PDCD6IP: variants seen among roughly 807,000 people sequenced by gnomAD.
PDCD6IP encodes programmed cell death 6 interacting protein.
A neutral mutation model predicts 103.7 loss-of-function variants in PDCD6IP; 43 were observed. The observed-to-expected ratio is 0.41, with a 90% CI of 0.32 to 0.53. The LOEUF is 0.53. Among genes scored for constraint, PDCD6IP ranks in the 20% least tolerant of loss-of-function variants. The pLI is 0.16. For synonymous variants in PDCD6IP, 354 were observed against 378.7 expected (o/e 0.93, Z 0.76); for missense variants, 871 against 1,036.7 (o/e 0.84, Z 2.20).
Position 33,852,526 on chromosome 3 carries a change from T to G in PDCD6IP, c.1680T>G (p.Asp560Glu). 2 of 1,574,136 alleles carry G rather than the reference T, an allele frequency of 1.3e-6. No homozygotes were observed. Among genetic ancestry groups the G allele is most frequent in the Non-Finnish European group, 1.7e-6 (2 of 1,166,334 alleles). Reference sequence around the variant, plus strand: ...TAAAATCCTTATTGTCAAATCTTGATGAAGTAAAGAAGGAAAGAGAGGGTC... The same window carrying G: ...TAAAATCCTTATTGTCAAATCTTGAGGAAGTAAAGAAGGAAAGAGAGGGTC... ...NVLKSLLSNLDEVKKEREGLE... is the reference protein window; with the variant it reads ...NVLKSLLSNLEEVKKEREGLE... The change falls in exon 13 of 18, where the codon GAT (aspartate) becomes GAG (glutamate). Residue 560 changes from aspartate (D) to glutamate (E), a missense_variant. By Grantham distance (45) the Asp-to-Glu change is conservative. This residue lies in a region of PDCD6IP where 266 missense variants were observed against 390.5 expected (regional missense o/e 0.68). Transcript: ENST00000307296.
In PDCD6IP at chr3:33,813,542, T is replaced by C; in HGVS notation, c.265-17T>C. On this transcript the variant is annotated splice_polypyrimidine_tract_variant and intron_variant, in intron 2 of 17. Transcript: ENST00000307296. ...AGGAAGGTTACCTAATTTTCTGTTTTCTTTCATTCTATCCAGATCTGCTTG... is the reference window on the plus strand; with the variant it reads ...AGGAAGGTTACCTAATTTTCTGTTTCCTTTCATTCTATCCAGATCTGCTTG... The C allele has an allele frequency of 2.0e-6, 3 of 1,533,652 alleles. No homozygotes were observed. Among genetic ancestry groups the C allele is most frequent in the Non-Finnish European group, 2.7e-6 (3 of 1,123,046 alleles).
At chr3:33,852,337 C>T (rs1046502120) in intron 12 of PDCD6IP, 151 bp from the exon 13 acceptor site, 1 of 1,314,650 alleles carries the variant, frequency 7.6e-7, no homozygotes, top group African/African-American at 1.5e-5. Context: ...CAGTGTCTAT[C>T]TATATAAACC....
chr3:33,862,705 G>A (rs540341726), intron 15 of PDCD6IP, among the ~76,000 whole-genome samples: 28 of 152,212 alleles, frequency 1.8e-4, no homozygotes, highest in African/African-American at 6.5e-4. Context: ...ATAATGGTTT[G>A]CATAAAAGGT....
chr3:33,851,924 C>T (rs541750876), intron 12 of PDCD6IP, among the ~76,000 whole-genome samples: 5 of 152,326 alleles, frequency 3.3e-5, no homozygotes, highest in African/African-American at 1.2e-4. Flanking sequence ...GTCTTCACCT[C>T]TGTTTCTCTA....
chr3:33,820,081 C>T (rs1206086333), intron 3 of PDCD6IP, among the ~76,000 whole-genome samples: 1 of 152,080 alleles, frequency 6.6e-6, no homozygotes, highest in African/African-American at 2.4e-5. Context: ...CCAACGAGTT[C>T]AAGACCAGCC....
intron 1 of PDCD6IP, among the ~76,000 whole-genome samples, chr3:33,807,544 C>T (rs1041123011): frequency 2.7e-5 from 4 of 146,578 alleles, no homozygotes; most frequent in Non-Finnish European, 6.0e-5. Context: ...CAAATTATCT[C>T]ACCTACGGCC....
At chr3:33,855,495 T>C (rs1358296160) in intron 15 of PDCD6IP, among the ~76,000 whole-genome samples, 2 of 152,102 alleles carry the variant, frequency 1.3e-5, no homozygotes, top group Non-Finnish European at 2.9e-5. Flanking sequence ...GTCACAGAAA[T>C]GATAAAAACA....
At chr3:33,820,186 A>T (rs1696957095) in intron 3 of PDCD6IP, among the ~76,000 whole-genome samples, 1 of 152,174 alleles carries the variant, frequency 6.6e-6, no homozygotes. Context: ...CAGGAGGCTG[A>T]GGCAGGAGGA....
At chr3:33,829,537 A>G (rs999701255) in intron 7 of PDCD6IP, among the ~76,000 whole-genome samples, 2 of 152,028 alleles carry the variant, frequency 1.3e-5, no homozygotes, top group African/African-American at 4.8e-5. Context: ...AGTACCTTCT[A>G]TGCAGTTGTG....
chr3:33,811,665 CAGAT>C (rs148711453), intron 1 of PDCD6IP, among the ~76,000 whole-genome samples: 1,879 of 152,306 alleles, frequency 0.012, 33 homozygotes, highest in African/African-American at 0.043. Context: ...GTGCTGGAGA[CAGAT>C]AGAGATGGGC....
chr3:33,798,948 G>T lies in PDCD6IP; in HGVS notation c.209+11G>T, dbSNP rs941401274. On this transcript the variant is annotated intron_variant, in intron 1 of 17. Transcript: ENST00000307296. The stretch of plus-strand genomic sequence containing the variant: ...CGAGACGCTCCTGAGGTGGGCGCGG[G>T]GCTGGGAGTGGGTAGGTTGTCTGCC... The T allele has an allele frequency of 6.6e-7, 1 of 1,519,142 alleles. No homozygotes were observed. Among genetic ancestry groups the T allele is most frequent in the East Asian group, 2.5e-5 (1 of 40,164 alleles). 94.1% of individuals were successfully genotyped at this position (1,519,142 alleles called of 1,614,324 possible).
intron 1 of PDCD6IP, among the ~76,000 whole-genome samples, chr3:33,811,505 G>A (rs1696717705): frequency 6.6e-6 from 1 of 152,174 alleles, no homozygotes. Flanking sequence ...TCACCCTGAT[G>A]GGGGGAAGTC....
At chr3:33,865,708 G>A (rs1698049151) in intron 17 of PDCD6IP, among the ~76,000 whole-genome samples, 2 of 151,982 alleles carry the variant, frequency 1.3e-5, no homozygotes, top group Admixed American at 6.6e-5. Flanking sequence ...TGTTTCCTTG[G>A]ACTTTAGGTG....
intron 15 of PDCD6IP, among the ~76,000 whole-genome samples, chr3:33,857,635 G>GC (rs1214914300): frequency 6.6e-6 from 1 of 152,136 alleles, no homozygotes; most frequent in Non-Finnish European, 1.5e-5. Context: ...GGGGAGGGGG[G>GC]CATTTATTCC....
intron 7 of PDCD6IP, among the ~76,000 whole-genome samples, chr3:33,831,467 G>A (rs1238790432): frequency 6.6e-6 from 1 of 152,084 alleles, no homozygotes; most frequent in East Asian, 1.9e-4. Context: ...TCAGTTTCAT[G>A]TAGTTCTGCA....
In PDCD6IP at chr3:33,866,516, A is replaced by G. The variant is rs754208667; in HGVS notation, c.2598A>G (p.Pro866=). Residue 866 remains proline (P), a synonymous_variant, in exon 18 of 18, where the codon CCA becomes CCG. Transcript: ENST00000307296. ...FPQPPQQSYY[P]QQ ...AGCCCCCACAGCAGTCTTACTATCC[A>G]CAGCAGTAATATGTCTGCTCAGCAG... 6.6e-5 allele frequency: 105 copies of G among 1,602,566 alleles called. No individual in the cohort carries two copies. The highest frequency in any genetic ancestry group is 3.3e-4 in the Middle Eastern group (2 of 5,998).
chr3:33,841,149 T>C (rs907375786), intron 9 of PDCD6IP, among the ~76,000 whole-genome samples: 6 of 151,622 alleles, frequency 4.0e-5, no homozygotes, highest in African/African-American at 1.2e-4. Flanking sequence ...TGCCTCAGCC[T>C]CCCAAGTAGC....
rs751049961 is a variant in PDCD6IP at position 33,852,534 on chromosome 3, A to T, written c.1688A>T (p.Lys563Met). The T allele has an allele frequency of 7.1e-6, 11 of 1,559,930 alleles. No homozygotes were observed. The highest frequency in any genetic ancestry group is 8.6e-6 in the Non-Finnish European group (10 of 1,160,436). ...TTATTGTCAAATCTTGATGAAGTAA[A>T]GAAGGAAAGAGAGGGTCTGGAGAAT... ...KSLLSNLDEV[K>M]KEREGLENDL... The change falls in exon 13 of 18, where the codon AAG becomes ATG. Residue 563 changes from lysine (K) to methionine (M), a missense_variant. This residue lies in a region of PDCD6IP where 266 missense variants were observed against 390.5 expected (regional missense o/e 0.68). Transcript: ENST00000307296.
At chr3:33,799,112 GGCCCGCTGTGACT>G (rs1461654696) in intron 1 of PDCD6IP, 175 bp downstream of exon 1, 3 of 651,592 alleles carry the variant, frequency 4.6e-6, no homozygotes, top group African/African-American at 1.8e-5. Flanking sequence ...CCGCCCTGCA[GGCCCGCTGTGACT>G]GCCCGCTTGT....
Sources: allele counts gnomAD v4.1 joint callset (sites outside exome capture counted in the v4.1 genomes callset), GRCh38; gene constraint gnomAD v4.1.1; regional missense constraint gnomAD v4.1.1; transcripts MANE v1.5; gene names NCBI Gene and HGNC (gene_info 2026-07-23, HGNC 2026-07-21).